Variants in KRT73 observed in about 807,000 individuals in gnomAD.
The protein encoded by KRT73 is keratin 73.
A neutral mutation model predicts 47.2 loss-of-function variants in KRT73; 44 were observed. The ratio of observed to expected loss-of-function variants is 0.93; its 90% CI spans 0.73 to 1.20. The LOEUF (loss-of-function observed/expected upper bound fraction) is 1.20, where lower values mean the gene tolerates loss of function less well. KRT73 is among the 50% of genes most tolerant of loss of function. The pLI is 0.00. For synonymous variants in KRT73, 285 were observed against 291.3 expected, an observed-to-expected ratio of 0.98 and a Z score of 0.22; for missense variants, 713 against 704.5, an observed-to-expected ratio of 1.01 and a Z score of -0.14.
intron 5 of KRT73, 172 bp downstream of exon 5, chr12:52,613,516 G>A: frequency 2.4e-6 from 3 of 1,271,758 alleles, no homozygotes; most frequent in Non-Finnish European, 3.1e-6. Context: ...ATCTAAGTGG[G>A]TGCCAAGGAC....
chr12:52,628,998 G>C, the KRT73 span, among the ~76,000 whole-genome samples: 1 of 152,134 alleles, frequency 6.6e-6, no homozygotes, highest in African/African-American at 2.4e-5. Flanking sequence ...CATTAAACTT[G>C]ACTCCTCATC....
the KRT73 span, among the ~76,000 whole-genome samples, chr12:52,628,687 C>T: frequency 6.6e-6 from 1 of 152,164 alleles, no homozygotes; most frequent in African/African-American, 2.4e-5. Context: ...GGGCTAAGAG[C>T]ACTACGAGCC....
At chr12:52,619,937 A>T (rs1427754520), upstream of KRT73, among the ~76,000 whole-genome samples, 1 of 152,122 alleles carries the variant, frequency 6.6e-6, no homozygotes, top group Non-Finnish European at 1.5e-5. Flanking sequence ...TGCCTCTAAA[A>T]TTGTTGTACT....
intron 1 of KRT73, among the ~76,000 whole-genome samples, chr12:52,616,618 C>A (rs1940820018): frequency 1.3e-5 from 2 of 152,118 alleles, no homozygotes; most frequent in Admixed American, 6.5e-5. Flanking sequence ...CTTCATTTCC[C>A]TCTCAAACTA....
At position 52,610,651 on chromosome 12, in the gene KRT73, G is replaced by T; in HGVS notation, c.1295C>A (p.Ala432Asp). ...GCCCTCCAGCAGCTTGCGGTAGGTG[G>T]CGATCTCAATATCCAGGGACAGCTT... Reference protein sequence around the residue: ...SVKLSLDIEIATYRKLLEGEE... With the variant: ...SVKLSLDIEIDTYRKLLEGEE... The change falls in exon 7 of 9, where the codon GCC becomes GAC. Residue 432 changes from alanine (A) to aspartate (D), a missense_variant. Physicochemically the swap from Ala to Asp is moderately radical, Grantham distance 126. Transcript: ENST00000305748. 1 of 1,613,430 alleles carries T rather than the reference G, an allele frequency of 6.2e-7. No homozygotes were observed. Among genetic ancestry groups the T allele is most frequent in the Non-Finnish European group, 8.5e-7 (1 of 1,179,912 alleles).
chr12:52,611,015 C>A, intron 6 of KRT73, 180 bp from the exon 7 acceptor site: 1 of 932,694 alleles, frequency 1.1e-6, no homozygotes, highest in Non-Finnish European at 1.6e-6. Context: ...CTGGGCCCCA[C>A]AGCTTTATGA....
At chr12:52,615,403 G>T in intron 2 of KRT73, 64 bp from the exon 3 acceptor site, 1 of 1,315,294 alleles carries the variant, frequency 7.6e-7, no homozygotes, top group Non-Finnish European at 1.1e-6. Context: ...CGTTCTCATA[G>T]TGAAATGAGA....
intron 7 of KRT73, chr12:52,610,411 C>T: frequency 1.6e-6 from 1 of 612,524 alleles, no homozygotes; most frequent in Non-Finnish European, 2.9e-6. Context: ...CAGCACCCAG[C>T]TAAGACTTTC....
chr12:52,608,493 G>T, intron 8 of KRT73, 41 bp from the exon 9 acceptor site: 1 of 1,525,296 alleles, frequency 6.6e-7, no homozygotes, highest in South Asian at 1.3e-5. Context: ...GTATATCCCA[G>T]GACAGAGGTG....
At chr12:52,623,558 A>T (rs886547132), upstream of KRT73, among the ~76,000 whole-genome samples, 1 of 152,204 alleles carries the variant, frequency 6.6e-6, no homozygotes, top group Non-Finnish European at 1.5e-5. Context: ...GATAATTTTT[A>T]AAAAATAAGT....
intron 5 of KRT73, among the ~76,000 whole-genome samples, chr12:52,612,130 T>C (rs1384844686): frequency 6.6e-6 from 1 of 152,198 alleles, no homozygotes; most frequent in African/African-American, 2.4e-5. Flanking sequence ...CCATCTGTAT[T>C]TTCTGTGACT....
chr12:52,617,959 T>A, intron 1 of KRT73, 119 bp downstream of exon 1: 1 of 1,168,362 alleles, frequency 8.6e-7, no homozygotes, highest in Non-Finnish European at 1.2e-6. Context: ...GGTGTCTGAT[T>A]TTGCTGGGAG....
intron 7 of KRT73, chr12:52,610,195 C>A: frequency 4.9e-6 from 1 of 204,422 alleles, no homozygotes; most frequent in East Asian, 1.2e-4. Flanking sequence ...CCTGACTCAG[C>A]CTCCCAAGTA....
rs751258110 is a variant in KRT73, at chr12:52,617,949, G to C, written c.447+129C>G. The C allele has an allele frequency of 9.4e-5, 97 of 1,033,674 alleles. 1 individual carries two copies. The highest frequency in any genetic ancestry group is 1.3e-4 in the Non-Finnish European group (89 of 704,890). 64.0% of individuals were successfully genotyped at this position (1,033,674 alleles called of 1,614,324 possible). A position where few individuals can be genotyped will look rare whatever the true frequency, so the allele number is the denominator to read the frequency against. ...TGGGGAGCTTTCAAGTTGTTTACCT[G>C]GTGTCTGATTTTGCTGGGAGAAAAT... On this transcript the variant is annotated intron_variant, in intron 1 of 8. Transcript: ENST00000305748.
At position 52,611,334 on chromosome 12, in the gene KRT73, AG is replaced by A. The variant is rs1421952943; in HGVS notation, c.985-6del. The A allele has an allele frequency of 2.5e-6, 4 of 1,613,930 alleles. No homozygotes were observed. Among genetic ancestry groups the A allele is most frequent in the Non-Finnish European group, 3.4e-6 (4 of 1,180,028 alleles). On this transcript the variant is annotated splice_region_variant and splice_polypyrimidine_tract_variant and intron_variant, in intron 5 of 8. Transcript: ENST00000305748. ...TGCTAGCTGCAGCTCCTGGAACTAGAGGAAAAGGAACCAAAGCAAGAACACT... is the reference window on the plus strand; with the variant it reads ...TGCTAGCTGCAGCTCCTGGAACTAGAGAAAAGGAACCAAAGCAAGAACACT...
chr12:52,618,481 C>G lies in KRT73; in HGVS notation c.44G>C (p.Gly15Ala). 1 of 1,611,424 alleles carries G rather than the reference C, an allele frequency of 6.2e-7. No homozygotes were observed. Among genetic ancestry groups the G allele is most frequent in the Non-Finnish European group, 8.5e-7 (1 of 1,178,668 alleles). The change falls in exon 1 of 9, where the codon GGG (glycine) becomes GCG (alanine). Residue 15 changes from glycine to alanine, a missense_variant. Coordinates refer to ENST00000305748, the MANE Select transcript of KRT73 (RefSeq NM_175068.3). ...CACAGCGGAGCAGCCGCTGAAGCCC[C>G]CCTTGGCAGCAGCTCCCGACTTGTA... ...FTYKSGAAAKGGFSGCSAVLS... is the reference protein window; with the variant it reads ...FTYKSGAAAKAGFSGCSAVLS...
In KRT73 at chr12:52,616,243, C is replaced by T. The variant is rs1940810309; in HGVS notation, c.585G>A (p.Glu195=). 6.2e-7 allele frequency: 1 copy of T among 1,614,080 alleles called. No individual in the cohort carries two copies. Among genetic ancestry groups the T allele is most frequent in the African/African-American group, 1.3e-5 (1 of 74,926 alleles). The stretch of plus-strand genomic sequence containing the variant: ...GCCTCACCCTGTCCCCAGACAGCGT[C>T]TCCAGCTGCTTCCGCAGGTTGCTGA... ...GYISNLRKQL[E]TLSGDRVRLD... is the part of the protein sequence containing the mutation. Residue 195 remains glutamate (E), a synonymous_variant, in exon 2 of 9, where the codon GAG becomes GAA. Coordinates refer to ENST00000305748, the MANE Select transcript of KRT73 (RefSeq NM_175068.3).
chr12:52,615,529 C>T lies in KRT73; in HGVS notation c.663-190G>A, dbSNP rs969917616. Among the ~76,000 whole-genome samples, 14 of 152,300 alleles carry T rather than the reference C, an allele frequency of 9.2e-5. No individual in the cohort carries two copies. The East Asian group carries it at 1.7e-3, about 19-fold the overall frequency. ...TTGGAGGCCGGGTATGAAGTAACCT[C>T]CTCCTGAGCCTGGGTGGTTTGAGGT... On this transcript the variant is annotated intron_variant, in intron 2 of 8. Coordinates refer to ENST00000305748, the MANE Select transcript of KRT73 (RefSeq NM_175068.3).
At chr12:52,618,575 C>A, upstream of KRT73, 1 of 1,523,364 alleles carries the variant, frequency 6.6e-7, no homozygotes, top group East Asian at 2.3e-5. Flanking sequence ...AGCTGAGATG[C>A]AGTTCACCAG....
Sources: allele counts gnomAD v4.1 joint callset (sites outside exome capture counted in the v4.1 genomes callset), GRCh38; gene constraint gnomAD v4.1.1; transcripts MANE v1.5; gene names NCBI Gene and HGNC (gene_info 2026-07-23, HGNC 2026-07-21).